The following PDE3B variants were observed in gnomAD, a reference collection of about 807,000 sequenced individuals.
PDE3B encodes cGMP-inhibited 3',5'-cyclic phosphodiesterase 3B.
Under a neutral mutation model 116.8 loss-of-function variants are expected in PDE3B, and 66 were observed. The observed-to-expected ratio is 0.56, with a 90% CI of 0.46 to 0.69. PDE3B has a LOEUF of 0.69. Ranked by LOEUF, PDE3B falls within the 30% of genes least tolerant of loss-of-function variation. PDE3B has a pLI of 0.00. For synonymous variants in PDE3B, 595 were observed against 533.6 expected, an observed-to-expected ratio of 1.12 and a Z score of -1.59; for missense variants, 1,384 against 1,368.1, an observed-to-expected ratio of 1.01 and a Z score of -0.18.
chr11:14,754,835 G>C (rs1362041744), intron 1 of PDE3B, among the ~76,000 whole-genome samples: 6 of 152,136 alleles, frequency 3.9e-5, no homozygotes, highest in Non-Finnish European at 8.8e-5. Context: ...TGTCTGCTCA[G>C]ATTTGAACTC....
At chr11:14,651,025 A>G (rs185353524) in intron 1 of PDE3B, among the ~76,000 whole-genome samples, 22 of 152,188 alleles carry the variant, frequency 1.4e-4, no homozygotes, top group Admixed American at 4.6e-4. Context: ...CTGCCATGAC[A>G]AAGTAGCACA....
chr11:14,755,800 G>A (rs1467835057), intron 1 of PDE3B, among the ~76,000 whole-genome samples: 1 of 152,006 alleles, frequency 6.6e-6, no homozygotes, highest in African/African-American at 2.4e-5. Flanking sequence ...CCTTGATTTT[G>A]TCTCTTGGGC....
intron 1 of PDE3B, among the ~76,000 whole-genome samples, chr11:14,755,814 A>G (rs1857166634): frequency 6.6e-6 from 1 of 152,204 alleles, no homozygotes; most frequent in African/African-American, 2.4e-5. Context: ...CTTGGGCATT[A>G]AAGTCTAAAA....
At chr11:14,869,387 A>T in intron 15 of PDE3B, 74 bp from the exon 16 acceptor site, 1 of 1,224,908 alleles carries the variant, frequency 8.2e-7, no homozygotes, top group Non-Finnish European at 1.2e-6. Context: ...GATACCTAGA[A>T]TAGGCACTTA....
At chr11:14,878,980 TG>T in the PDE3B span, 2 of 741,346 alleles carry the variant, frequency 2.7e-6, no homozygotes, top group Non-Finnish European at 4.5e-6. Flanking sequence ...CATTCTCTCC[TG>T]TTAGAATCAG....
chr11:14,884,791 A>C, the PDE3B span, among the ~76,000 whole-genome samples: 1 of 152,138 alleles, frequency 6.6e-6, no homozygotes, highest in Non-Finnish European at 1.5e-5. Context: ...CAGTCTAAAC[A>C]ATAAATTTAC....
rs778669911 is a variant in PDE3B at position 14,644,625 on chromosome 11, G to C, written c.550G>C (p.Ala184Pro). The change falls in exon 1 of 16, where the codon GCG becomes CCG. Residue 184 changes from alanine to proline, a missense_variant. By Grantham distance (27) the Ala-to-Pro change is conservative. Coordinates refer to ENST00000282096, the MANE Select transcript of PDE3B (RefSeq NM_000922.4). ...WPWGDGDAGS[A>P]APHTPPEAAA... ...TTGGGGGGATGGCGACGCAGGGTCC[G>C]CGGCCCCGCACACGCCCCCGGAGGC... 2 of 1,524,344 alleles carry C rather than the reference G, an allele frequency of 1.3e-6. No homozygotes were observed. Among genetic ancestry groups the C allele is most frequent in the South Asian group, 1.3e-5 (1 of 79,338 alleles). 94.4% of individuals were successfully genotyped at this position (1,524,344 alleles called of 1,614,324 possible). A position where few individuals can be genotyped will look rare whatever the true frequency, so the allele number is the denominator to read the frequency against.
chr11:14,859,553 A>G (rs546916948), intron 13 of PDE3B, among the ~76,000 whole-genome samples: 2 of 152,312 alleles, frequency 1.3e-5, no homozygotes, highest in South Asian at 2.1e-4. Context: ...GTTATTTCAA[A>G]TGAGTTTAAA....
chr11:14,777,187 C>A (rs1857813657), intron 2 of PDE3B, among the ~76,000 whole-genome samples: 1 of 152,162 alleles, frequency 6.6e-6, no homozygotes, highest in Admixed American at 6.5e-5. Flanking sequence ...AAGCATAGAT[C>A]AATAGAATTT....
intron 1 of PDE3B, among the ~76,000 whole-genome samples, chr11:14,770,347 A>C (rs1857605018): frequency 6.6e-6 from 1 of 151,536 alleles, no homozygotes; most frequent in Non-Finnish European, 1.5e-5. Context: ...AAAGAAGCTG[A>C]CAGGCTAAAA....
Position 14,658,083 on chromosome 11 carries a change from C to G in PDE3B, c.978+13030C>G, listed in dbSNP as rs1363421138. Among the ~76,000 whole-genome samples, 7 of 152,186 alleles carry G rather than the reference C, an allele frequency of 4.6e-5. No homozygotes were observed. The East Asian group carries it at 1.4e-3, about 29-fold the overall frequency. ...AGCATTGGAGAACTTCTGCTTCCATCTAGTGGGTAGGCTTCCAAGAGCAAA... is the reference window on the plus strand; with the variant it reads ...AGCATTGGAGAACTTCTGCTTCCATGTAGTGGGTAGGCTTCCAAGAGCAAA... On this transcript the variant is annotated intron_variant, in intron 1 of 15. Transcript: ENST00000282096.
At chr11:14,731,873 C>T (rs1032179519) in intron 1 of PDE3B, among the ~76,000 whole-genome samples, 2 of 152,044 alleles carry the variant, frequency 1.3e-5, no homozygotes, top group Non-Finnish European at 2.9e-5. Context: ...AGCTTATACA[C>T]TTATAGAGGG....
rs143174012 is a variant in PDE3B at position 14,868,333 on chromosome 11, C to T, written c.3139+575C>T. Among the ~76,000 whole-genome samples the T allele has an allele frequency of 4.7e-3, 709 of 152,280 alleles. 5 individuals carry two copies. Among genetic ancestry groups the T allele is most frequent in the Admixed American group, 0.02 (310 of 15,298 alleles). On this transcript the variant is annotated intron_variant, in intron 15 of 15. Transcript: ENST00000282096. ...TCCTCCTTCATGTCACTCCTTTTCA[C>T]ACATCTCACCCCCAATCCCACTAGG...
chr11:14,858,663 G>C (rs999015145), intron 12 of PDE3B, among the ~76,000 whole-genome samples: 3 of 152,256 alleles, frequency 2.0e-5, no homozygotes, highest in South Asian at 2.1e-4. Flanking sequence ...TCTGAAACCT[G>C]CTCTAGATCC....
intron 4 of PDE3B, among the ~76,000 whole-genome samples, chr11:14,798,509 C>G (rs901833745): frequency 6.6e-6 from 1 of 152,144 alleles, no homozygotes; most frequent in South Asian, 2.1e-4. Flanking sequence ...ACGAATGGTA[C>G]TAGCTCCTCT....
At chr11:14,797,266 G>A (rs566773402) in intron 4 of PDE3B, among the ~76,000 whole-genome samples, 1 of 152,180 alleles carries the variant, frequency 6.6e-6, no homozygotes, top group Non-Finnish European at 1.5e-5. Flanking sequence ...AGGCAGTAAT[G>A]ATTGCTGTTC....
chr11:14,865,185 A>G (rs1157696446), intron 14 of PDE3B, among the ~76,000 whole-genome samples: 6 of 152,178 alleles, frequency 3.9e-5, no homozygotes, highest in East Asian at 1.9e-4. Flanking sequence ...ACAAACTACT[A>G]TCAGAGAATA....
intron 1 of PDE3B, among the ~76,000 whole-genome samples, chr11:14,766,889 T>C (rs1208379383): frequency 6.6e-6 from 1 of 151,738 alleles, no homozygotes; most frequent in Non-Finnish European, 1.5e-5. Context: ...CAAAAACTTG[T>C]CTGCTATTCT....
At chr11:14,653,811 C>A (rs948644077) in intron 1 of PDE3B, among the ~76,000 whole-genome samples, 1 of 152,002 alleles carries the variant, frequency 6.6e-6, no homozygotes. Flanking sequence ...CCAGCCTGGG[C>A]AACATGGCAA....
Sources: gnomAD v4.1 joint callset for allele counts (sites outside exome capture counted in the v4.1 genomes callset) on GRCh38, gnomAD v4.1.1 for gene constraint, MANE v1.5 for transcripts, NCBI Gene and HGNC (gene_info 2026-07-23, HGNC 2026-07-21) for gene names.